The following CTNNA2 variants were observed in gnomAD, a reference collection of about 807,000 sequenced individuals.
The protein encoded by CTNNA2 is catenin alpha 2.
CTNNA2 carries 42 observed loss-of-function variants against 101.0 expected under a neutral mutation model. The observed-to-expected ratio is 0.42, with a 90% CI of 0.32 to 0.54. The LOEUF (loss-of-function observed/expected upper bound fraction) is 0.54. Among genes scored for constraint, CTNNA2 ranks in the 20% least tolerant of loss-of-function variants. The pLI, the probability that CTNNA2 is intolerant of heterozygous loss-of-function variation, is 0.14. For synonymous variants in CTNNA2, 450 were observed against 456.4 expected, an observed-to-expected ratio of 0.99 and a Z score of 0.18; for missense variants, 871 against 1,223.1, an observed-to-expected ratio of 0.71 and a Z score of 4.29.
chr2:79,247,216 C>T (rs776440663), intron 2 of CTNNA2, among the ~76,000 whole-genome samples: 4 of 152,184 alleles, frequency 2.6e-5, no homozygotes, highest in Non-Finnish European at 4.4e-5. Context: ...CACTTCATAT[C>T]GCTAGTTTCT....
intron 3 of CTNNA2, among the ~76,000 whole-genome samples, chr2:79,331,431 A>T (rs115837636): frequency 6.6e-6 from 1 of 152,144 alleles, no homozygotes; most frequent in Non-Finnish European, 1.5e-5. Context: ...ATACCCTACC[A>T]TCATTTAATT....
intron 3 of CTNNA2, among the ~76,000 whole-genome samples, chr2:79,792,470 A>G (rs1291318014): frequency 2.0e-5 from 3 of 152,162 alleles, no homozygotes; most frequent in Admixed American, 6.5e-5. Flanking sequence ...TTTAGCTTGC[A>G]GTGTAATGTC....
intron 7 of CTNNA2, among the ~76,000 whole-genome samples, chr2:80,191,252 G>A (rs1359471574): frequency 1.3e-5 from 2 of 152,130 alleles, no homozygotes; most frequent in Middle Eastern, 3.4e-3. Flanking sequence ...ACTAGCTTAG[G>A]GAAAAAAACA....
At chr2:79,994,953 A>C (rs1037809642) in intron 7 of CTNNA2, among the ~76,000 whole-genome samples, 27 of 152,156 alleles carry the variant, frequency 1.8e-4, no homozygotes, top group African/African-American at 6.5e-4. Flanking sequence ...CTCCTCATTG[A>C]TTCTGGTATT....
At chr2:79,417,263 C>T (rs1356929144) in intron 4 of CTNNA2, among the ~76,000 whole-genome samples, 1 of 152,088 alleles carries the variant, frequency 6.6e-6, no homozygotes. Flanking sequence ...ATTTGGATTT[C>T]ATACTAGAGA....
intron 9 of CTNNA2, among the ~76,000 whole-genome samples, chr2:80,463,896 G>A (rs188574759): frequency 2.0e-5 from 3 of 152,270 alleles, no homozygotes; most frequent in Admixed American, 1.3e-4. Flanking sequence ...AGTGCTAATG[G>A]TCGTGGAGTC....
At chr2:79,511,393 T>C (rs928506478), upstream of CTNNA2, among the ~76,000 whole-genome samples, 1 of 152,210 alleles carries the variant, frequency 6.6e-6, no homozygotes, top group Non-Finnish European at 1.5e-5. Flanking sequence ...CTCCACTCTT[T>C]ATACCTTTTG....
intron 2 of CTNNA2, among the ~76,000 whole-genome samples, chr2:79,667,577 T>A (rs1272621993): frequency 6.6e-6 from 1 of 152,210 alleles, no homozygotes; most frequent in Non-Finnish European, 1.5e-5. Flanking sequence ...CTGGTAGGAA[T>A]GGGTTAAGTC....
At chr2:80,339,280 T>A (rs572287655) in intron 7 of CTNNA2, among the ~76,000 whole-genome samples, 1 of 152,292 alleles carries the variant, frequency 6.6e-6, no homozygotes, top group East Asian at 1.9e-4. Flanking sequence ...CAGATAGTCA[T>A]CACCAAACTA....
At chr2:79,357,059 G>A (rs1677523534) in intron 3 of CTNNA2, among the ~76,000 whole-genome samples, 1 of 152,170 alleles carries the variant, frequency 6.6e-6, no homozygotes, top group Non-Finnish European at 1.5e-5. Flanking sequence ...GGGTGGATTG[G>A]CTCACATCTG....
intron 7 of CTNNA2, among the ~76,000 whole-genome samples, chr2:80,202,332 G>A (rs762656068): frequency 5.9e-5 from 9 of 152,126 alleles, no homozygotes; most frequent in Admixed American, 2.0e-4. Flanking sequence ...AGGAGAGGCC[G>A]ACACATAAAC....
chr2:79,589,463 TC>T (rs1323885521), intron 1 of CTNNA2, among the ~76,000 whole-genome samples: 2 of 152,140 alleles, frequency 1.3e-5, no homozygotes, highest in African/African-American at 4.8e-5. Flanking sequence ...TCCACTATTG[TC>T]CTTTTTTTTC....
chr2:79,818,895 G>GCACACACA lies in CTNNA2; in HGVS notation c.299-39099_299-39092dup, dbSNP rs56218833. 9.6e-4 allele frequency among the ~76,000 whole-genome samples: 120 copies of GCACACACA among 125,534 alleles called. 1 individual carries two copies. Among genetic ancestry groups the GCACACACA allele is most frequent in the East Asian group, 5.1e-3 (20 of 3,952 alleles). The allele number at this position is 125,534 out of a possible 152,430, so 82.4% of individuals were successfully genotyped here. A position where few individuals can be genotyped will look rare whatever the true frequency, so the allele number is the denominator to read the frequency against. On this transcript the variant is annotated intron_variant, in intron 3 of 18. Transcript: ENST00000402739. ...AGTAAACTCAAGCAAAGCACTAATA[G>GCACACACA]CACACACACACACACACACACACAC...
chr2:80,415,959 G>A (rs1037965490), intron 8 of CTNNA2, among the ~76,000 whole-genome samples: 28 of 152,094 alleles, frequency 1.8e-4, no homozygotes, highest in African/African-American at 6.8e-4. Flanking sequence ...ATACTGTATG[G>A]CATCACTTAT....
chr2:79,569,732 C>A (rs1291700544), intron 1 of CTNNA2, among the ~76,000 whole-genome samples: 1 of 152,094 alleles, frequency 6.6e-6, no homozygotes, highest in Non-Finnish European at 1.5e-5. Context: ...AATTCAGTGT[C>A]AGATTTAAAA....
chr2:79,605,367 TA>T lies in CTNNA2; in HGVS notation c.-5-46177del, dbSNP rs1034438145. On this transcript the variant is annotated intron_variant, in intron 1 of 18. Coordinates refer to ENST00000402739, the MANE Select transcript of CTNNA2 (RefSeq NM_001282597.3). ...AGCTGTGGGACAATGTCAACTAGCA[TA>T]AAAAAAATTTTGAAGAAATAATAGC... is the stretch of plus-strand genomic sequence containing the variant. Among the ~76,000 whole-genome samples, 28 of 151,996 alleles carry T rather than the reference TA, an allele frequency of 1.8e-4. 1 individual carries two copies. Among genetic ancestry groups the T allele is most frequent in the African/African-American group, 6.3e-4 (26 of 41,396 alleles).
intron 7 of CTNNA2, among the ~76,000 whole-genome samples, chr2:80,179,883 G>A (rs186448807): frequency 6.6e-6 from 1 of 152,296 alleles, no homozygotes; most frequent in Non-Finnish European, 1.5e-5. Flanking sequence ...GTATGTCTAT[G>A]CCAATTATGC....
chr2:79,392,144 A>G (rs77280690), intron 4 of CTNNA2, among the ~76,000 whole-genome samples: 2,044 of 152,312 alleles, frequency 0.013, 48 homozygotes, highest in African/African-American at 0.046. Context: ...AATCCATAAC[A>G]GTGTCTTTTC....
intron 3 of CTNNA2, among the ~76,000 whole-genome samples, chr2:79,323,295 T>C (rs149269436): frequency 1.2e-3 from 177 of 152,306 alleles, no homozygotes; most frequent in African/African-American, 4.2e-3. Flanking sequence ...TAGCCATTAG[T>C]TATGCTTTGG....
Sources: gnomAD v4.1 joint callset for allele counts (sites outside exome capture counted in the v4.1 genomes callset) on GRCh38, gnomAD v4.1.1 for gene constraint, MANE v1.5 for transcripts, NCBI Gene and HGNC (gene_info 2026-07-23, HGNC 2026-07-21) for gene names.